SLIT2: variants seen among roughly 807,000 people sequenced by gnomAD.
The protein encoded by SLIT2 is slit homolog 2 protein.
A neutral mutation model predicts 185.7 loss-of-function variants in SLIT2; 41 were observed. The observed-to-expected ratio is 0.22, with a 90% CI of 0.17 to 0.29. The LOEUF is 0.29. Ranked by LOEUF, SLIT2 falls within the 10% of genes least tolerant of loss-of-function variation. The pLI, the probability that SLIT2 is intolerant of heterozygous loss-of-function variation, is 1.00. For synonymous variants in SLIT2, 693 were observed against 680.2 expected (o/e 1.02, Z -0.29); for missense variants, 1,571 against 1,909.0 (o/e 0.82, Z 3.30).
At chr4:20,371,354 C>T (rs1042133023) in intron 4 of SLIT2, among the ~76,000 whole-genome samples, 48 of 152,184 alleles carry the variant, frequency 3.2e-4, no homozygotes, top group African/African-American at 1.2e-3. Flanking sequence ...CACACACACC[C>T]ACTCACATTC....
intron 33 of SLIT2, among the ~76,000 whole-genome samples, chr4:20,604,061 T>C (rs1056918459): frequency 3.3e-5 from 5 of 152,330 alleles, no homozygotes; most frequent in East Asian, 1.9e-4. Flanking sequence ...ATTGAATGAA[T>C]GTAAAGCACC....
chr4:20,549,756 T>C (rs892136391), intron 24 of SLIT2, among the ~76,000 whole-genome samples: 15 of 151,548 alleles, frequency 9.9e-5, no homozygotes, highest in Non-Finnish European at 4.4e-5. Context: ...AAAATATATA[T>C]ATAAGAATGG....
intron 36 of SLIT2, 34 bp downstream of exon 36, chr4:20,617,684 G>T: frequency 6.6e-7 from 1 of 1,508,242 alleles, no homozygotes; most frequent in South Asian, 1.2e-5. Flanking sequence ...TCATTCTCTT[G>T]GCAAAGCAAG....
chr4:20,311,456 AAGTTATTATAGG>A (rs1370417181), intron 4 of SLIT2, among the ~76,000 whole-genome samples: 6 of 152,200 alleles, frequency 3.9e-5, no homozygotes, highest in Non-Finnish European at 7.4e-5. Context: ...TCGATGTAAC[AAGTTATTATAGG>A]ATTTGCTACA....
At position 20,510,513 on chromosome 4, in the gene SLIT2, A is replaced by G. The variant is rs772700192; in HGVS notation, c.933A>G (p.Thr311=). 1.2e-6 allele frequency: 2 copies of G among 1,611,574 alleles called. No individual in the cohort carries two copies. Among genetic ancestry groups the G allele is most frequent in the Non-Finnish European group, 1.7e-6 (2 of 1,178,056 alleles). ...TITEIRLEQN[T]IKVIPPGAFS... ...ATTGCAGACGTTTGGAACAGAACAC[A>G]ATCAAAGTCATCCCTCCTGGAGCTT... Residue 311 remains threonine, a synonymous_variant, in exon 10 of 37, where the codon ACA becomes ACG. Coordinates refer to ENST00000504154, the MANE Select transcript of SLIT2 (RefSeq NM_004787.4).
chr4:20,604,683 C>A (rs1728656245), intron 33 of SLIT2, among the ~76,000 whole-genome samples: 1 of 151,594 alleles, frequency 6.6e-6, no homozygotes, highest in South Asian at 2.1e-4. Flanking sequence ...GCTTCCCATT[C>A]CTTTTGACTA....
chr4:20,552,115 G>T (rs906860877), intron 25 of SLIT2, among the ~76,000 whole-genome samples: 3 of 152,168 alleles, frequency 2.0e-5, no homozygotes, highest in African/African-American at 7.2e-5. Context: ...GCTGCCACGT[G>T]CATGAGCTGC....
At chr4:20,523,139 T>C (rs917722781) in intron 12 of SLIT2, among the ~76,000 whole-genome samples, 2 of 152,010 alleles carry the variant, frequency 1.3e-5, no homozygotes, top group African/African-American at 4.8e-5. Flanking sequence ...AGACAAAGAA[T>C]AGGAGAGCCT....
chr4:20,518,186 C>CATATACATACATATACATATATTTATAT (rs1720412652), intron 11 of SLIT2, among the ~76,000 whole-genome samples: 1 of 134,318 alleles, frequency 7.4e-6, no homozygotes, highest in Non-Finnish European at 1.5e-5. Context: ...TATATATATA[C>CATATACATACATATACATATATTTATAT]ATATACATAC....
intron 4 of SLIT2, among the ~76,000 whole-genome samples, chr4:20,444,108 G>C (rs1729974294): frequency 6.6e-6 from 1 of 152,122 alleles, no homozygotes; most frequent in South Asian, 2.1e-4. Flanking sequence ...CTAATACAGA[G>C]GTGGAAAGAA....
intron 4 of SLIT2, among the ~76,000 whole-genome samples, chr4:20,275,836 TA>T (rs1714120069): frequency 6.6e-6 from 1 of 152,118 alleles, no homozygotes; most frequent in African/African-American, 2.4e-5. Flanking sequence ...TGCATATATT[TA>T]GATTGCTGTT....
intron 4 of SLIT2, among the ~76,000 whole-genome samples, chr4:20,399,115 A>G (rs1235606515): frequency 6.6e-6 from 1 of 151,758 alleles, no homozygotes; most frequent in Non-Finnish European, 1.5e-5. Context: ...AATAAAAAAT[A>G]TTAAATATGG....
At chr4:20,616,059 A>G (rs1402167479) in intron 34 of SLIT2, 1 of 152,242 alleles carries the variant, frequency 6.6e-6, no homozygotes, top group African/African-American at 2.4e-5. Context: ...ATGTATATAT[A>G]CAAAGATTGC....
In SLIT2 at chr4:20,401,659, A is replaced by G. The variant is rs573485206; in HGVS notation, c.396-66093A>G. Among the ~76,000 whole-genome samples, 217 of 151,980 alleles carry G rather than the reference A, an allele frequency of 1.4e-3. 2 individuals are homozygous for G. The highest frequency in any genetic ancestry group is 1.5e-3 in the Non-Finnish European group (103 of 67,886). ...CAACCTCAAGTCTAAACTACATTCT[A>G]CAACTTGACATAATGAAGAGATTAT... is the stretch of plus-strand genomic sequence containing the variant. On this transcript the variant is annotated intron_variant, in intron 4 of 36. Coordinates refer to ENST00000504154, the MANE Select transcript of SLIT2 (RefSeq NM_004787.4).
At chr4:20,351,612 G>A (rs1198030335) in intron 4 of SLIT2, among the ~76,000 whole-genome samples, 1 of 152,058 alleles carries the variant, frequency 6.6e-6, no homozygotes, top group Non-Finnish European at 1.5e-5. Flanking sequence ...CAAAGATGAG[G>A]ACACTGACCA....
intron 4 of SLIT2, among the ~76,000 whole-genome samples, chr4:20,333,296 A>G (rs12502618): frequency 0.87 from 132,291 of 152,174 alleles, 57,706 homozygotes; most frequent in African/African-American, 0.92. Flanking sequence ...CTTTCTCGTC[A>G]TCAACACACT....
chr4:20,397,660 T>C (rs2109388446), intron 4 of SLIT2, among the ~76,000 whole-genome samples: 1 of 151,972 alleles, frequency 6.6e-6, no homozygotes, highest in South Asian at 2.1e-4. Context: ...GTTTTAAATA[T>C]CTTGCAGTTG....
At position 20,598,520 on chromosome 4, in the gene SLIT2, G is replaced by A. The variant is rs187518143; in HGVS notation, c.3692+125G>A. On this transcript the variant is annotated intron_variant, in intron 33 of 36. Transcript: ENST00000504154. ...GGCCCCAGCAGGTTTTAGGATGAGG[G>A]TATTAGTGAAAAACCTGGCAGGAAC... The A allele has an allele frequency of 3.6e-4, 383 of 1,074,812 alleles. 1 individual carries two copies. Among genetic ancestry groups the A allele is most frequent in the East Asian group, 7.1e-4 (30 of 42,092 alleles). 66.6% of individuals were successfully genotyped at this position (1,074,812 alleles called of 1,614,324 possible).
chr4:20,603,185 A>G (rs1728536312), intron 33 of SLIT2, among the ~76,000 whole-genome samples: 1 of 152,202 alleles, frequency 6.6e-6, no homozygotes, highest in South Asian at 2.1e-4. Context: ...GGTGGCAGAC[A>G]AGAGAGAATT....
Sources: allele counts gnomAD v4.1 joint callset (sites outside exome capture counted in the v4.1 genomes callset), GRCh38; gene constraint gnomAD v4.1.1; transcripts MANE v1.5; gene names NCBI Gene and HGNC (gene_info 2026-07-23, HGNC 2026-07-21).